SLC26A7: variants seen among roughly 807,000 people sequenced by gnomAD.
SLC26A7 encodes the protein anion exchange transporter.
In SLC26A7, 59 loss-of-function variants were observed where a neutral mutation model predicts 82.5. That is an observed-to-expected ratio of 0.72 (90% CI 0.58 to 0.89). SLC26A7 has a LOEUF of 0.89. SLC26A7 is among the 40% of genes least tolerant of loss of function. The pLI is 0.00. For missense variants in SLC26A7, 820 were observed against 793.0 expected, an observed-to-expected ratio of 1.03 and a Z score of -0.41; for synonymous variants, 271 against 274.3, an observed-to-expected ratio of 0.99 and a Z score of 0.12.
chr8:91,265,345 CAT>C (rs1437129452), intron 2 of SLC26A7, among the ~76,000 whole-genome samples: 2 of 152,010 alleles, frequency 1.3e-5, no homozygotes, highest in African/African-American at 2.4e-5. Context: ...CTACAATAAA[CAT>C]GGGAATGCAG....
intron 2 of SLC26A7, among the ~76,000 whole-genome samples, chr8:91,288,552 C>T (rs1811773048): frequency 6.6e-6 from 1 of 152,168 alleles, no homozygotes. Flanking sequence ...CTCTAAGACA[C>T]TGTACCTGAA....
chr8:91,387,274 C>A (rs1188113935), intron 15 of SLC26A7, among the ~76,000 whole-genome samples: 1 of 152,138 alleles, frequency 6.6e-6, no homozygotes, highest in Non-Finnish European at 1.5e-5. Context: ...AAAGCCTCTG[C>A]ATTAGTAGAG....
chr8:91,357,605 A>G (rs1447159783), intron 11 of SLC26A7, among the ~76,000 whole-genome samples: 1 of 152,220 alleles, frequency 6.6e-6, no homozygotes, highest in Non-Finnish European at 1.5e-5. Flanking sequence ...TACAAAAACT[A>G]ATTCAAGATG....
At chr8:91,246,051 G>A (rs1810540055), upstream of SLC26A7, among the ~76,000 whole-genome samples, 1 of 152,100 alleles carries the variant, frequency 6.6e-6, no homozygotes, top group Non-Finnish European at 1.5e-5. Context: ...GAGAGAACTG[G>A]GAGAAGCTGA....
chr8:91,248,271 G>A (rs1810576125), upstream of SLC26A7, among the ~76,000 whole-genome samples: 1 of 151,966 alleles, frequency 6.6e-6, no homozygotes, highest in Non-Finnish European at 1.5e-5. Flanking sequence ...TAAAAAGAAA[G>A]GTATTTTTGC....
chr8:91,379,948 A>G (rs545609065), intron 15 of SLC26A7, among the ~76,000 whole-genome samples: 116 of 152,196 alleles, frequency 7.6e-4, no homozygotes, highest in African/African-American at 2.5e-3. Flanking sequence ...AAAAAAGGCA[A>G]ACAACTCAGT....
chr8:91,376,304 A>T (rs1814515030), intron 15 of SLC26A7, among the ~76,000 whole-genome samples: 1 of 152,132 alleles, frequency 6.6e-6, no homozygotes, highest in South Asian at 2.1e-4. Context: ...GTCTTTTTGT[A>T]CTGCAGTAGT....
intron 2 of SLC26A7, among the ~76,000 whole-genome samples, chr8:91,262,867 T>C (rs1254961928): frequency 3.3e-5 from 5 of 152,088 alleles, no homozygotes; most frequent in Non-Finnish European, 5.9e-5. Context: ...ATTTCATAAA[T>C]ATTTTAACAA....
intron 2 of SLC26A7, among the ~76,000 whole-genome samples, chr8:91,251,834 A>G (rs1810666120): frequency 6.6e-6 from 1 of 152,140 alleles, no homozygotes. Context: ...GACTTTTCAT[A>G]ACACCAATGT....
upstream of SLC26A7, among the ~76,000 whole-genome samples, chr8:91,246,424 G>T (rs944666178): frequency 6.6e-6 from 1 of 152,174 alleles, no homozygotes; most frequent in African/African-American, 2.4e-5. Context: ...CAAATACACT[G>T]AGAGTTACCT....
intron 1 of SLC26A7, among the ~76,000 whole-genome samples, chr8:91,215,379 C>A (rs556923845): frequency 1.3e-5 from 2 of 152,070 alleles, no homozygotes; most frequent in South Asian, 4.1e-4. Flanking sequence ...TTTTTAATTT[C>A]TCAAAGTTTA....
At chr8:91,289,319 C>G in intron 3 of SLC26A7, 73 bp downstream of exon 3, 1 of 1,168,254 alleles carries the variant, frequency 8.6e-7, no homozygotes, top group Non-Finnish European at 1.3e-6. Flanking sequence ...GATTACATCT[C>G]CTTAGCAGTG....
chr8:91,245,563 C>G (rs1192048263), upstream of SLC26A7, among the ~76,000 whole-genome samples: 2 of 152,024 alleles, frequency 1.3e-5, no homozygotes, highest in Admixed American at 1.3e-4. Context: ...TGCTGTAGAT[C>G]AACTTCCTGA....
intron 18 of SLC26A7, 104 bp downstream of exon 18, chr8:91,394,143 ATC>A (rs1808494522): frequency 6.3e-7 from 1 of 1,594,292 alleles, no homozygotes; most frequent in Admixed American, 1.7e-5. Context: ...GGCATCTAAA[ATC>A]TGTTAGCCCC....
intron 1 of SLC26A7, among the ~76,000 whole-genome samples, chr8:91,216,489 T>C (rs1283820630): frequency 6.6e-6 from 1 of 152,184 alleles, no homozygotes; most frequent in Non-Finnish European, 1.5e-5. Context: ...TCTTGGTTCT[T>C]GGCTCTATTA....
At chr8:91,330,981 C>G (rs535583737) in intron 5 of SLC26A7, among the ~76,000 whole-genome samples, 5 of 152,042 alleles carry the variant, frequency 3.3e-5, no homozygotes, top group African/African-American at 1.2e-4. Flanking sequence ...CAGTTTTGGT[C>G]TCTTCTTAAA....
intron 5 of SLC26A7, among the ~76,000 whole-genome samples, chr8:91,323,181 G>A (rs189918706): frequency 6.6e-6 from 1 of 152,234 alleles, no homozygotes; most frequent in Admixed American, 6.5e-5. Context: ...TTGTGGGAAT[G>A]TTCAGTATAC....
intron 2 of SLC26A7, among the ~76,000 whole-genome samples, chr8:91,258,011 A>G (rs1362747158): frequency 2.6e-5 from 4 of 152,072 alleles, no homozygotes; most frequent in Non-Finnish European, 4.4e-5. Flanking sequence ...TTATAAAACC[A>G]TAAGATCTCA....
At chr8:91,372,159 C>T (rs1026523032) in intron 15 of SLC26A7, among the ~76,000 whole-genome samples, 3 of 151,768 alleles carry the variant, frequency 2.0e-5, no homozygotes, top group African/African-American at 7.2e-5. Flanking sequence ...ATGGTTTGTA[C>T]ATATCTTTTC....
Sources: allele counts gnomAD v4.1 joint callset (sites outside exome capture counted in the v4.1 genomes callset), GRCh38; gene constraint gnomAD v4.1.1; transcripts MANE v1.5; gene names NCBI Gene and HGNC (gene_info 2026-07-23, HGNC 2026-07-21).